Variants in PABPC4L observed in about 807,000 individuals in gnomAD.
PABPC4L encodes the protein poly(A) binding protein cytoplasmic 4 like.
For missense variants in PABPC4L, 452 were observed against 451.4 expected (o/e 1.00, Z -0.01); for synonymous variants, 169 against 164.1 (o/e 1.03, Z -0.23).
At chr4:134,185,740 C>T in the PABPC4L span, among the ~76,000 whole-genome samples, 1 of 152,122 alleles carries the variant, frequency 6.6e-6, no homozygotes, top group African/African-American at 2.4e-5. Flanking sequence ...AAGAGGAAGT[C>T]AAATTGTCCC....
chr4:134,082,315 A>C, the PABPC4L span, among the ~76,000 whole-genome samples: 1 of 152,112 alleles, frequency 6.6e-6, no homozygotes, highest in South Asian at 2.1e-4. Context: ...TTTGAAAAAA[A>C]AGATTACTTG....
the PABPC4L span, among the ~76,000 whole-genome samples, chr4:133,997,588 G>T: frequency 6.6e-6 from 1 of 152,044 alleles, no homozygotes; most frequent in Non-Finnish European, 1.5e-5. Context: ...TCTCTGGAAA[G>T]AATTCCCACT....
chr4:133,979,172 G>A, the PABPC4L span, among the ~76,000 whole-genome samples: 3 of 152,138 alleles, frequency 2.0e-5, no homozygotes, highest in African/African-American at 7.2e-5. Flanking sequence ...TAAGTGTCAG[G>A]CCCTTTTCTG....
At chr4:134,150,645 T>A in the PABPC4L span, among the ~76,000 whole-genome samples, 1 of 152,288 alleles carries the variant, frequency 6.6e-6, no homozygotes, top group East Asian at 1.9e-4. Context: ...ATGGCCATGC[T>A]ATTTAGGTTC....
the PABPC4L span, among the ~76,000 whole-genome samples, chr4:133,985,070 T>G: frequency 6.6e-6 from 1 of 151,978 alleles, no homozygotes; most frequent in East Asian, 1.9e-4. Context: ...AGCTAAGAAT[T>G]TAAAAACCAA....
chr4:134,141,580 T>A, the PABPC4L span, among the ~76,000 whole-genome samples: 11 of 150,880 alleles, frequency 7.3e-5, no homozygotes, highest in African/African-American at 9.7e-5. Flanking sequence ...AATTAATGTC[T>A]TGTTATTGTT....
At chr4:134,084,207 C>T in the PABPC4L span, among the ~76,000 whole-genome samples, 1 of 151,982 alleles carries the variant, frequency 6.6e-6, no homozygotes, top group Non-Finnish European at 1.5e-5. Context: ...CAGCACCATG[C>T]CTAGCTAATT....
chr4:134,192,431 A>G (rs1729535997), downstream of PABPC4L, among the ~76,000 whole-genome samples: 1 of 152,110 alleles, frequency 6.6e-6, no homozygotes, highest in Non-Finnish European at 1.5e-5. Context: ...TTGTGAGGTG[A>G]TGGAAATGTC....
At chr4:134,066,066 TA>T in the PABPC4L span, among the ~76,000 whole-genome samples, 2 of 152,160 alleles carry the variant, frequency 1.3e-5, no homozygotes, top group Non-Finnish European at 1.5e-5. Flanking sequence ...TTCTTTTTGC[TA>T]GGCTTGCCTT....
the PABPC4L span, among the ~76,000 whole-genome samples, chr4:134,007,496 T>A: frequency 6.6e-6 from 1 of 151,704 alleles, no homozygotes; most frequent in African/African-American, 2.4e-5. Context: ...TATTATCTCA[T>A]CTATCCCACA....
the PABPC4L span, among the ~76,000 whole-genome samples, chr4:134,121,693 C>T: frequency 2.1e-3 from 318 of 151,690 alleles, 1 homozygote; most frequent in African/African-American, 7.2e-3. Context: ...CTTTAAACTG[C>T]TTTTTTTCAA....
chr4:134,111,823 C>T, the PABPC4L span, among the ~76,000 whole-genome samples: 1 of 151,930 alleles, frequency 6.6e-6, no homozygotes, highest in Non-Finnish European at 1.5e-5. Flanking sequence ...ACTGTAAGTC[C>T]AATAAACCTC....
chr4:134,043,109 G>A, the PABPC4L span, among the ~76,000 whole-genome samples: 1 of 151,966 alleles, frequency 6.6e-6, no homozygotes, highest in East Asian at 1.9e-4. Context: ...TCACCACCAA[G>A]GAATAAAGTA....
the PABPC4L span, among the ~76,000 whole-genome samples, chr4:133,966,455 G>T: frequency 6.6e-6 from 1 of 152,194 alleles, no homozygotes; most frequent in South Asian, 2.1e-4. Context: ...CCACTACTGA[G>T]TATCTGCCCA....
At chr4:134,128,343 T>C in the PABPC4L span, among the ~76,000 whole-genome samples, 2 of 152,140 alleles carry the variant, frequency 1.3e-5, no homozygotes, top group African/African-American at 4.8e-5. Flanking sequence ...AAAAGATCAT[T>C]GCCTAGGCAC....
the PABPC4L span, among the ~76,000 whole-genome samples, chr4:134,189,465 GTA>G: frequency 6.6e-6 from 1 of 151,790 alleles, no homozygotes. Flanking sequence ...TATATACATG[GTA>G]TACATACATG....
chr4:134,154,757 AT>A, the PABPC4L span, among the ~76,000 whole-genome samples: 2 of 151,626 alleles, frequency 1.3e-5, no homozygotes, highest in African/African-American at 4.8e-5. Flanking sequence ...TGACAGTAGA[AT>A]TTTTTTAATT....
Position 134,200,984 on chromosome 4 carries a change from C to G in PABPC4L, c.36G>C (p.Leu12=). The G allele has an allele frequency of 6.4e-7, 1 of 1,552,734 alleles. No individual in the cohort carries two copies. Among genetic ancestry groups the G allele is most frequent in the Non-Finnish European group, 8.7e-7 (1 of 1,147,538 alleles). The change falls in exon 2 of 2, where the codon CTG becomes CTC. Residue 12 remains leucine, a synonymous_variant. Transcript: ENST00000421491. ...CATCTGCATGTAAGTCACCCACATACAGGGAGGCCATGCGGTACTTGGCTG... is the reference window on the plus strand; with the variant it reads ...CATCTGCATGTAAGTCACCCACATAGAGGGAGGCCATGCGGTACTTGGCTG... ...NVAAKYRMAS[L]YVGDLHADVT...
At chr4:134,022,635 C>G in the PABPC4L span, among the ~76,000 whole-genome samples, 32 of 151,206 alleles carry the variant, frequency 2.1e-4, no homozygotes, top group Admixed American at 3.3e-4. Flanking sequence ...AATATAGTAA[C>G]TCGACTATCA....
Sources: allele counts gnomAD v4.1 joint callset (sites outside exome capture counted in the v4.1 genomes callset), GRCh38; gene constraint gnomAD v4.1.1; transcripts MANE v1.5; gene names NCBI Gene and HGNC (gene_info 2026-07-23, HGNC 2026-07-21).